KLRF2: variants seen among roughly 807,000 people sequenced by gnomAD.
KLRF2 encodes the protein killer cell lectin-like receptor subfamily F member 2.
A neutral mutation model predicts 25.3 loss-of-function variants in KLRF2; 28 were observed. The ratio of observed to expected loss-of-function variants is 1.11; its 90% CI spans 0.82 to 1.52. KLRF2 has a LOEUF of 1.52. Among genes scored for constraint, KLRF2 ranks in the 40% most tolerant of loss-of-function variants. KLRF2 has a pLI of 0.00. For missense variants in KLRF2, 265 were observed against 245.8 expected (o/e 1.08, Z -0.52); for synonymous variants, 73 against 85.0 (o/e 0.86, Z 0.78).
At chr12:9,885,531 G>A (rs1337459899) in intron 2 of KLRF2, among the ~76,000 whole-genome samples, 1 of 151,726 alleles carries the variant, frequency 6.6e-6, no homozygotes, top group African/African-American at 2.4e-5. Context: ...CATATAACAT[G>A]ACAGGAAATA....
chr12:9,885,135 G>A, intron 2 of KLRF2, 103 bp downstream of exon 2: 1 of 374,822 alleles, frequency 2.7e-6, no homozygotes, highest in Non-Finnish European at 4.7e-6. Flanking sequence ...GTCCAAAACT[G>A]GCATATGTCA....
In KLRF2 at chr12:9,881,621, C is replaced by T. The variant is rs562906801; in HGVS notation, c.26C>T (p.Thr9Met). Residue 9 changes from threonine to methionine, a missense_variant, in exon 1 of 6, where the codon ACG (threonine) becomes ATG (methionine). By Grantham distance (81) the Thr-to-Met change is moderately conservative. Coordinates refer to ENST00000535540, the MANE Select transcript of KLRF2 (RefSeq NM_001190765.1). The part of the protein sequence containing the change: MENEDGYM[T>M]LSFKNRCKSK... ...ATGGAGAATGAAGATGGGTATATGA[C>T]GCTGAGTTTCAAGAATCGTTGTAAA... 2.9e-4 allele frequency: 450 copies of T among 1,535,016 alleles called. 1 individual carries two copies. Among genetic ancestry groups the T allele is most frequent in the Non-Finnish European group, 3.6e-4 (418 of 1,146,158 alleles).
chr12:9,884,839 C>G (rs567708739), intron 1 of KLRF2, 95 bp from the exon 2 acceptor site: 1 of 415,482 alleles, frequency 2.4e-6, no homozygotes, highest in African/African-American at 2.1e-5. Context: ...AATGACATAT[C>G]TAAAATGAAC....
intron 1 of KLRF2, among the ~76,000 whole-genome samples, chr12:9,882,394 T>G (rs1868103886): frequency 6.6e-6 from 1 of 152,234 alleles, no homozygotes; most frequent in Non-Finnish European, 1.5e-5. Context: ...ACTCAGATCT[T>G]TTTTGTGTTT....
chr12:9,894,150 C>CTCTT (rs774385146), intron 5 of KLRF2, among the ~76,000 whole-genome samples: 3 of 147,640 alleles, frequency 2.0e-5, no homozygotes, highest in Non-Finnish European at 4.5e-5. Flanking sequence ...CTCTCTCTCT[C>CTCTT]TCTCCCTCCC....
intron 1 of KLRF2, among the ~76,000 whole-genome samples, chr12:9,882,162 G>A (rs1448732786): frequency 1.3e-5 from 2 of 152,112 alleles, no homozygotes; most frequent in Admixed American, 1.3e-4. Flanking sequence ...TCTGTGGTTG[G>A]CTTTGTTTGC....
chr12:9,888,169 T>A (rs568282073), intron 2 of KLRF2, among the ~76,000 whole-genome samples: 13 of 148,562 alleles, frequency 8.8e-5, no homozygotes, highest in Admixed American at 8.7e-4. Flanking sequence ...TGTAACATCA[T>A]ACATGAAGTC....
Position 9,881,514 on chromosome 12 carries a change from A to G in KLRF2, c.-82A>G. On this transcript the variant is annotated 5_prime_UTR_variant, in exon 1 of 6. Coordinates refer to ENST00000535540, the MANE Select transcript of KLRF2 (RefSeq NM_001190765.1). ...AGTTTTCTTTTAGTACCTTGTGCCAAAGAGACATATCCAAGGTTGAGATTA... is the reference window on the plus strand; with the variant it reads ...AGTTTTCTTTTAGTACCTTGTGCCAGAGAGACATATCCAAGGTTGAGATTA... 9.7e-7 allele frequency: 1 copy of G among 1,034,908 alleles called. No homozygotes were observed. Among genetic ancestry groups the G allele is most frequent in the South Asian group, 1.5e-5 (1 of 67,038 alleles). 64.1% of individuals were successfully genotyped at this position (1,034,908 alleles called of 1,614,324 possible). A position where few individuals can be genotyped will look rare whatever the true frequency, so the allele number is the denominator to read the frequency against.
At chr12:9,887,724 GTTT>G (rs79181089) in intron 2 of KLRF2, among the ~76,000 whole-genome samples, 5 of 133,522 alleles carry the variant, frequency 3.7e-5, no homozygotes, top group African/African-American at 5.5e-5. Context: ...GGTCAAAAGA[GTTT>G]TTTTTTTTTT....
At chr12:9,890,736 A>T (rs1862666416) in intron 3 of KLRF2, among the ~76,000 whole-genome samples, 1 of 152,230 alleles carries the variant, frequency 6.6e-6, no homozygotes, top group Non-Finnish European at 1.5e-5. Context: ...AAATCCCGTC[A>T]TCTTGCTGTC....
intron 3 of KLRF2, among the ~76,000 whole-genome samples, 152 bp downstream of exon 3, chr12:9,888,932 C>G (rs1444252974): frequency 1.3e-5 from 2 of 152,112 alleles, no homozygotes; most frequent in Non-Finnish European, 2.9e-5. Context: ...TCCTCAGTGC[C>G]ATTGCTGTGT....
In KLRF2 at chr12:9,893,430, A is replaced by G; in HGVS notation, c.368A>G (p.Glu123Gly). Residue 123 changes from glutamate to glycine, a missense_variant and splice_region_variant, in exon 5 of 6, where the codon GAG becomes GGG. By Grantham distance (98) the Glu-to-Gly change is moderately conservative. Transcript: ENST00000535540. Reference sequence around the variant, plus strand: ...ATAAATGCACTATTTCTTCTGCAGGAGTTCATACAGAACAGTTTAAAACCT... The same window carrying G: ...ATAAATGCACTATTTCTTCTGCAGGGGTTCATACAGAACAGTTTAAAACCT... ...LLVIQNLDEL[E>G]FIQNSLKPGH... is the part of the protein sequence containing the mutation. The G allele has an allele frequency of 3.8e-6, 5 of 1,332,674 alleles. No individual in the cohort carries two copies. The highest frequency in any genetic ancestry group is 4.1e-6 in the Non-Finnish European group (4 of 968,242). 82.6% of individuals were successfully genotyped at this position (1,332,674 alleles called of 1,614,324 possible). A position where few individuals can be genotyped will look rare whatever the true frequency, so the allele number is the denominator to read the frequency against.
intron 1 of KLRF2, among the ~76,000 whole-genome samples, chr12:9,883,513 T>C (rs1868116946): frequency 6.6e-6 from 1 of 152,184 alleles, no homozygotes; most frequent in Non-Finnish European, 1.5e-5. Flanking sequence ...TTTATAAATC[T>C]TATTTGGCAA....
intron 1 of KLRF2, 75 bp downstream of exon 1, chr12:9,881,740 T>A (rs1868097099): frequency 9.5e-7 from 1 of 1,052,944 alleles, no homozygotes; most frequent in Non-Finnish European, 1.4e-6. Flanking sequence ...TTAGAATATT[T>A]TTAACATCTT....
chr12:9,891,310 A>G (rs553894506), intron 3 of KLRF2, among the ~76,000 whole-genome samples: 8 of 152,274 alleles, frequency 5.3e-5, no homozygotes, highest in South Asian at 4.1e-4. Context: ...CTCAATTTTC[A>G]TCCTGTATTT....
chr12:9,892,705 C>T (rs558570790), intron 3 of KLRF2, among the ~76,000 whole-genome samples: 1 of 151,730 alleles, frequency 6.6e-6, no homozygotes, highest in Admixed American at 6.6e-5. Context: ...CTGCCTCAGC[C>T]TCCCAAGTAG....
chr12:9,891,172 A>G (rs1862672182), intron 3 of KLRF2, among the ~76,000 whole-genome samples: 1 of 152,140 alleles, frequency 6.6e-6, no homozygotes, highest in Non-Finnish European at 1.5e-5. Flanking sequence ...TATTTTAGAA[A>G]CTAAGTGTAT....
Position 9,881,504 on chromosome 12 carries a change from C to A in KLRF2, c.-92C>A, listed in dbSNP as rs1485396160. ...CCTTCCTTTTAGTTTTCTTTTAGTA[C>A]CTTGTGCCAAAGAGACATATCCAAG... On this transcript the variant is annotated 5_prime_UTR_variant, in exon 1 of 6. Transcript: ENST00000535540. 6.5e-6 allele frequency: 6 copies of A among 929,438 alleles called. No individual in the cohort carries two copies. The highest frequency in any genetic ancestry group is 9.7e-6 in the Non-Finnish European group (6 of 616,084). The allele number at this position is 929,438 out of a possible 1,614,324, so 57.6% of individuals were successfully genotyped here.
At chr12:9,891,683 T>C (rs984253112) in intron 3 of KLRF2, among the ~76,000 whole-genome samples, 1 of 152,182 alleles carries the variant, frequency 6.6e-6, no homozygotes, top group Non-Finnish European at 1.5e-5. Context: ...TTTTTTTAAA[T>C]TACAATTTTT....
Sources: gnomAD v4.1 joint callset for allele counts (sites outside exome capture counted in the v4.1 genomes callset) on GRCh38, gnomAD v4.1.1 for gene constraint, MANE v1.5 for transcripts, NCBI Gene and HGNC (gene_info 2026-07-23, HGNC 2026-07-21) for gene names.